Variants in NCKAP5 observed in about 807,000 individuals in gnomAD.
NCKAP5 encodes nck-associated protein 5.
Under a neutral mutation model 167.0 loss-of-function variants are expected in NCKAP5, and 92 were observed. The ratio of observed to expected loss-of-function variants is 0.55; its 90% confidence interval spans 0.47 to 0.66. The LOEUF (loss-of-function observed/expected upper bound fraction) is 0.66, where lower values mean the gene tolerates loss of function less well. NCKAP5 is among the 30% of genes least tolerant of loss of function. The pLI is 0.00. For missense variants in NCKAP5, 2,378 were observed against 2,315.0 expected (o/e 1.03, Z -0.56); for synonymous variants, 891 against 877.4 (o/e 1.02, Z -0.27).
chr2:133,281,303 T>C (rs16823134), intron 4 of NCKAP5, among the ~76,000 whole-genome samples: 12,127 of 152,322 alleles, frequency 0.08, 566 homozygotes, highest in African/African-American at 0.12. Flanking sequence ...CATTTCAAAT[T>C]GTGCTTTGTG....
intron 5 of NCKAP5, among the ~76,000 whole-genome samples, chr2:133,206,898 G>A (rs570998031): frequency 2.1e-3 from 320 of 152,040 alleles, no homozygotes; most frequent in Non-Finnish European, 3.5e-3. Context: ...ACTGAAATAC[G>A]CCCTGGTCTC....
intron 8 of NCKAP5, among the ~76,000 whole-genome samples, chr2:132,903,569 T>G (rs900703717): frequency 6.6e-6 from 1 of 152,240 alleles, no homozygotes; most frequent in South Asian, 2.1e-4. Context: ...AATCATGCTT[T>G]CATGTTTATC....
Position 132,963,842 on chromosome 2 carries a change from G to GGAAGC in NCKAP5, c.456_457insGCTTC (p.His153AlafsTer36), listed in dbSNP as rs2076587555. The GGAAGC allele has an allele frequency of 6.2e-6, 10 of 1,613,570 alleles. No homozygotes were observed. The highest frequency in any genetic ancestry group is 8.5e-6 in the Non-Finnish European group (10 of 1,179,834). ...TGAAGATCTTCCAAAGCTTCCTTAT[G>GGAAGC]TTTTCTCTCTTCCTCTGACAGCTTT... On this transcript the variant is annotated frameshift_variant, in exon 8 of 20. Coordinates refer to ENST00000409261, the MANE Select transcript of NCKAP5 (RefSeq NM_207363.3). LOFTEE classifies it high-confidence loss of function.
intron 3 of NCKAP5, among the ~76,000 whole-genome samples, chr2:133,451,628 G>A (rs921775404): frequency 6.6e-6 from 1 of 152,088 alleles, no homozygotes. Flanking sequence ...TGTGATTTTT[G>A]AGCTAAACCT....
At chr2:133,270,361 A>T (rs2089453226) in intron 4 of NCKAP5, among the ~76,000 whole-genome samples, 1 of 152,252 alleles carries the variant, frequency 6.6e-6, no homozygotes, top group South Asian at 2.1e-4. Flanking sequence ...AAAAGGGAGA[A>T]TATGGAACTT....
chr2:133,496,153 A>G (rs1681928943), intron 3 of NCKAP5, among the ~76,000 whole-genome samples: 2 of 152,160 alleles, frequency 1.3e-5, no homozygotes, highest in Non-Finnish European at 2.9e-5. Context: ...TGAGTCCCTG[A>G]TTGATTACGA....
intron 2 of NCKAP5, among the ~76,000 whole-genome samples, chr2:133,529,405 G>A (rs1349128691): frequency 6.6e-6 from 1 of 151,964 alleles, no homozygotes; most frequent in African/African-American, 2.4e-5. Context: ...TTCAACACCT[G>A]GGCCTAGTTC....
At chr2:133,507,279 G>A (rs1053427406) in intron 3 of NCKAP5, among the ~76,000 whole-genome samples, 3 of 152,138 alleles carry the variant, frequency 2.0e-5, no homozygotes, top group South Asian at 2.1e-4. Flanking sequence ...CTTATCTGCC[G>A]GCTCTGACAG....
rs1467812184 is a variant in NCKAP5 at position 133,396,227 on chromosome 2, A to G, written c.70-93117T>C. On this transcript the variant is annotated intron_variant, in intron 3 of 19. Coordinates refer to ENST00000409261, the MANE Select transcript of NCKAP5 (RefSeq NM_207363.3). ...ATTGGGAAGCATAAAGTAAATTTGA[A>G]AAAGCATAAAGCAATATTGGTAAGC... Among the ~76,000 whole-genome samples the G allele has an allele frequency of 5.9e-5, 9 of 152,256 alleles. 1 individual carries two copies. The highest frequency in any genetic ancestry group is 1.7e-4 in the African/African-American group (7 of 41,578).
intron 8 of NCKAP5, among the ~76,000 whole-genome samples, chr2:132,952,434 T>G (rs1410737697): frequency 1.3e-5 from 2 of 152,154 alleles, no homozygotes; most frequent in African/African-American, 2.4e-5. Context: ...GCCCTGGCAA[T>G]GCAGGGCAGT....
chr2:133,221,602 C>T (rs2086665372), intron 4 of NCKAP5, among the ~76,000 whole-genome samples: 1 of 152,170 alleles, frequency 6.6e-6, no homozygotes, highest in Non-Finnish European at 1.5e-5. Context: ...TACGCACATG[C>T]CTACACACGA....
At chr2:132,898,233 A>G (rs1693355514) in intron 8 of NCKAP5, among the ~76,000 whole-genome samples, 2 of 152,206 alleles carry the variant, frequency 1.3e-5, no homozygotes, top group South Asian at 4.1e-4. Flanking sequence ...CTCATCCATA[A>G]GAAGCAACTC....
At chr2:132,750,703 T>C (rs1405242550) in intron 16 of NCKAP5, among the ~76,000 whole-genome samples, 2 of 152,228 alleles carry the variant, frequency 1.3e-5, no homozygotes, top group East Asian at 3.9e-4. Context: ...GCAGAGTTTC[T>C]AGGAAGTAGA....
At chr2:132,931,551 C>T (rs1696379438) in intron 8 of NCKAP5, 1 of 152,154 alleles carries the variant, frequency 6.6e-6, no homozygotes, top group Admixed American at 6.5e-5. Flanking sequence ...AGGCTAACTT[C>T]CTTACTTGTA....
chr2:133,093,576 C>A (rs1484819047), intron 6 of NCKAP5, among the ~76,000 whole-genome samples: 1 of 152,168 alleles, frequency 6.6e-6, no homozygotes, highest in African/African-American at 2.4e-5. Flanking sequence ...GATGTCTACA[C>A]AGAACCGCTT....
intron 4 of NCKAP5, among the ~76,000 whole-genome samples, chr2:133,289,597 C>T (rs1193308637): frequency 1.3e-5 from 2 of 151,696 alleles, no homozygotes; most frequent in Non-Finnish European, 2.9e-5. Context: ...CAAAAATTAG[C>T]TGGAAATTGC....
chr2:132,724,408 T>A (rs774070035), intron 19 of NCKAP5, among the ~76,000 whole-genome samples: 1 of 152,152 alleles, frequency 6.6e-6, no homozygotes, highest in Non-Finnish European at 1.5e-5. Context: ...CAATAATGAA[T>A]GGAGAACGTT....
intron 4 of NCKAP5, among the ~76,000 whole-genome samples, chr2:133,240,694 C>G (rs796151513): frequency 2.0e-5 from 3 of 152,278 alleles, no homozygotes; most frequent in African/African-American, 7.2e-5. Context: ...GACTGGAATG[C>G]AAAACCCTTC....
At chr2:133,666,394 C>T in the NCKAP5 span, among the ~76,000 whole-genome samples, 1 of 151,708 alleles carries the variant, frequency 6.6e-6, no homozygotes, top group Non-Finnish European at 1.5e-5. Context: ...GACGGGGTTT[C>T]AACATGTTGG....
Sources: gnomAD v4.1 joint callset for allele counts (sites outside exome capture counted in the v4.1 genomes callset) on GRCh38, gnomAD v4.1.1 for gene constraint, MANE v1.5 for transcripts, NCBI Gene and HGNC (gene_info 2026-07-23, HGNC 2026-07-21) for gene names.